SLC11A2: variants seen among roughly 807,000 people sequenced by gnomAD.
SLC11A2 encodes solute carrier family 11 member 2.
A neutral mutation model predicts 68.0 loss-of-function variants in SLC11A2; 38 were observed. That is an observed-to-expected ratio of 0.56 (90% CI 0.43 to 0.73). The LOEUF (loss-of-function observed/expected upper bound fraction) is 0.73, where lower values mean the gene tolerates loss of function less well. SLC11A2 is among the 30% of genes least tolerant of loss of function. The pLI is 0.00. For missense variants in SLC11A2, 517 were observed against 690.5 expected, an observed-to-expected ratio of 0.75 and a Z score of 2.82; for synonymous variants, 242 against 250.6, an observed-to-expected ratio of 0.97 and a Z score of 0.32.
At chr12:50,959,104 C>A in the SLC11A2 span, among the ~76,000 whole-genome samples, 1 of 152,160 alleles carries the variant, frequency 6.6e-6, no homozygotes. Flanking sequence ...TATTCTATTA[C>A]ATCTACCATA....
chr12:51,023,857 G>A (rs1385733597), intron 1 of SLC11A2, among the ~76,000 whole-genome samples: 2 of 152,104 alleles, frequency 1.3e-5, no homozygotes, highest in African/African-American at 4.8e-5. Flanking sequence ...TAGGGGTGGT[G>A]GCATGCACTT....
chr12:50,983,354 C>G (rs753324110), downstream of SLC11A2, among the ~76,000 whole-genome samples: 2 of 152,192 alleles, frequency 1.3e-5, no homozygotes, highest in African/African-American at 2.4e-5. Flanking sequence ...CCAACAGCCT[C>G]TAAGTTAATG....
chr12:51,001,108 T>G (rs989841137), intron 5 of SLC11A2, among the ~76,000 whole-genome samples: 1 of 147,038 alleles, frequency 6.8e-6, no homozygotes, highest in African/African-American at 2.5e-5. Context: ...AAGGTTGCAG[T>G]GAGCTGAGAT....
chr12:51,001,480 C>A (rs1175899896), intron 5 of SLC11A2, among the ~76,000 whole-genome samples: 1 of 151,234 alleles, frequency 6.6e-6, no homozygotes, highest in East Asian at 1.9e-4. Context: ...TACAACAAAC[C>A]CCCATGACAC....
chr12:50,997,550 G>C (rs998607404), intron 8 of SLC11A2, among the ~76,000 whole-genome samples: 1 of 151,602 alleles, frequency 6.6e-6, no homozygotes. Context: ...AAATTACCTC[G>C]GTGTGGTGGT....
chr12:50,978,484 G>A (rs983403506), downstream of SLC11A2, among the ~76,000 whole-genome samples: 17 of 119,610 alleles, frequency 1.4e-4, no homozygotes, highest in African/African-American at 5.3e-4. Context: ...ACACACTGGG[G>A]CCTGTTTTGG....
At chr12:50,985,933 G>A (rs1346493129), downstream of SLC11A2, 3 of 1,105,188 alleles carry the variant, frequency 2.7e-6, no homozygotes, top group Non-Finnish European at 3.3e-6. Flanking sequence ...TTGTATCAAA[G>A]TTGTTGTAAC....
In SLC11A2 at chr12:51,022,575, A is replaced by AT. The variant is rs143180267; in HGVS notation, c.-39+3734dup. Among the ~76,000 whole-genome samples, 1,071 of 151,926 alleles carry AT rather than the reference A, an allele frequency of 7.0e-3. 20 individuals are homozygous for AT. Among genetic ancestry groups the AT allele is most frequent in the African/African-American group, 0.024 (997 of 41,410 alleles). On this transcript the variant is annotated intron_variant, in intron 1 of 15. Coordinates refer to ENST00000262052, the MANE Select transcript of SLC11A2 (RefSeq NM_000617.3). Reference sequence around the variant, plus strand: ...ATTTTCATTAGATTACATTCAACCCATTTTTCCTAATGATGGATATTGGCT... The same window carrying AT: ...ATTTTCATTAGATTACATTCAACCCATTTTTTCCTAATGATGGATATTGGCT...
intron 8 of SLC11A2, 49 bp downstream of exon 8, chr12:50,999,125 A>T (rs750121238): frequency 2.1e-6 from 3 of 1,425,300 alleles, no homozygotes; most frequent in East Asian, 4.5e-5. Flanking sequence ...AAAAAAAAAA[A>T]CCACAAAAAC....
At chr12:50,971,122 C>T in the SLC11A2 span, among the ~76,000 whole-genome samples, 2 of 152,172 alleles carry the variant, frequency 1.3e-5, no homozygotes, top group African/African-American at 4.8e-5. Flanking sequence ...TCAGGTGATT[C>T]ACCCACATTG....
rs371887704 is a variant in SLC11A2, at chr12:50,991,691, C to T, written c.1348-19G>A. The T allele has an allele frequency of 8.0e-5, 128 of 1,602,900 alleles. No individual in the cohort carries two copies. In the African/African-American group the frequency reaches 1.3e-3, roughly 16 times the overall value. ...AGGGAAGCTGGAAAAGAAAGAAGAT[C>T]AGATGGGATTACTATGGGTCCTTGT... is the stretch of plus-strand genomic sequence containing the variant. On this transcript the variant is annotated intron_variant, in intron 13 of 15. Coordinates refer to ENST00000262052, the MANE Select transcript of SLC11A2 (RefSeq NM_000617.3).
chr12:50,962,713 A>AT, the SLC11A2 span, among the ~76,000 whole-genome samples: 2 of 152,062 alleles, frequency 1.3e-5, no homozygotes, highest in Non-Finnish European at 1.5e-5. Flanking sequence ...AGAAAAAAAA[A>AT]TTTTTTTGCT....
chr12:50,993,992 C>CAAAAAAAAAAAAAAAAAAAAA (rs71663850), intron 11 of SLC11A2, among the ~76,000 whole-genome samples: 7 of 48,400 alleles, frequency 1.4e-4, no homozygotes, highest in South Asian at 1.3e-3. Flanking sequence ...ACCTTGTCTC[C>CAAAAAAAAAAAAAAAAAAAAA]AAAAAAAAAA....
chr12:50,987,220 G>A lies in SLC11A2; in HGVS notation c.*1105C>T. 1.6e-6 allele frequency: 2 copies of A among 1,287,138 alleles called. No homozygotes were observed. Among genetic ancestry groups the A allele is most frequent in the Non-Finnish European group, 2.0e-6 (2 of 988,650 alleles). The allele number at this position is 1,287,138 out of a possible 1,614,324, so 79.7% of individuals were successfully genotyped here. On this transcript the variant is annotated 3_prime_UTR_variant, in exon 16 of 16. Transcript: ENST00000262052. ...AGGTAGCCCAGTTCAACTTTGCTGA[G>A]ACAGTGAACTTTGCAACCATACTAA...
At chr12:50,959,522 AT>A in the SLC11A2 span, among the ~76,000 whole-genome samples, 6 of 151,822 alleles carry the variant, frequency 4.0e-5, no homozygotes, top group East Asian at 3.9e-4. Context: ...TTATCCAAAA[AT>A]TTTTTTTCAG....
chr12:50,955,858 C>T, the SLC11A2 span, among the ~76,000 whole-genome samples: 25,624 of 152,026 alleles, frequency 0.17, 2,571 homozygotes, highest in East Asian at 0.5. Context: ...AAGAGACATA[C>T]GCACCACTGT....
At chr12:50,980,009 T>C (rs955013987), downstream of SLC11A2, 1 of 450,158 alleles carries the variant, frequency 2.2e-6, no homozygotes, top group Admixed American at 2.4e-5. Context: ...GCAGATTACT[T>C]GAGCTCATGA....
At chr12:50,976,706 T>C (rs894589373), downstream of SLC11A2, among the ~76,000 whole-genome samples, 5 of 152,202 alleles carry the variant, frequency 3.3e-5, no homozygotes, top group Non-Finnish European at 5.9e-5. Context: ...GAAGTCAAAT[T>C]GTCCCTGTTT....
intron 4 of SLC11A2, 135 bp downstream of exon 4, chr12:51,005,176 T>G (rs1942613996): frequency 9.8e-7 from 1 of 1,024,430 alleles, no homozygotes; most frequent in Admixed American, 1.8e-5. Context: ...TGGAAAGTAC[T>G]TTACACATAA....
Sources: allele counts gnomAD v4.1 joint callset (sites outside exome capture counted in the v4.1 genomes callset), GRCh38; gene constraint gnomAD v4.1.1; transcripts MANE v1.5; gene names NCBI Gene and HGNC (gene_info 2026-07-23, HGNC 2026-07-21).